The following GLIS1 variants were observed in gnomAD, a reference collection of about 807,000 sequenced individuals.
The protein encoded by GLIS1 is GLIS family zinc finger 1, also known as zinc finger protein GLIS1.
Under a neutral mutation model 63.8 loss-of-function variants are expected in GLIS1, and 24 were observed. That is an observed-to-expected ratio of 0.38 (90% CI 0.27 to 0.53). GLIS1 has a LOEUF of 0.53. Among genes scored for constraint, GLIS1 ranks in the 20% least tolerant of loss-of-function variants. The pLI is 0.85. For synonymous variants in GLIS1, 450 were observed against 482.5 expected (o/e 0.93, Z 0.88); for missense variants, 1,036 against 1,074.1 (o/e 0.96, Z 0.50).
intron 2 of GLIS1, among the ~76,000 whole-genome samples, chr1:53,715,965 T>G (rs1040490042): frequency 6.6e-6 from 1 of 152,106 alleles, no homozygotes; most frequent in South Asian, 2.1e-4. Flanking sequence ...TGAAGCACAG[T>G]TATATGCCAA....
intron 4 of GLIS1, among the ~76,000 whole-genome samples, chr1:53,538,753 GAC>G (rs1443492656): frequency 3.9e-5 from 6 of 152,294 alleles, no homozygotes; most frequent in Non-Finnish European, 4.4e-5. Flanking sequence ...GGGGGCTGCA[GAC>G]ACCCTGACCC....
intron 2 of GLIS1, among the ~76,000 whole-genome samples, chr1:53,612,503 G>A (rs1177600086): frequency 1.3e-5 from 2 of 152,018 alleles, no homozygotes; most frequent in African/African-American, 4.8e-5. Flanking sequence ...GCCTCCCAAA[G>A]TGCTGGGACT....
At chr1:53,559,129 T>TAA (rs1644860816) in intron 4 of GLIS1, among the ~76,000 whole-genome samples, 1 of 152,184 alleles carries the variant, frequency 6.6e-6, no homozygotes, top group African/African-American at 2.4e-5. Context: ...TGGGACTTCT[T>TAA]AAAAACAGTA....
At chr1:53,713,818 G>A (rs2100531125) in intron 2 of GLIS1, among the ~76,000 whole-genome samples, 1 of 152,320 alleles carries the variant, frequency 6.6e-6, no homozygotes, top group East Asian at 1.9e-4. Flanking sequence ...AAAGGAAAGA[G>A]ATAAAGGACA....
rs879357045 is a variant in GLIS1, at chr1:53,709,417, C to CATATACATATATAT, written c.259+28388_259+28389insATATATATGTATAT. 4.7e-3 allele frequency among the ~76,000 whole-genome samples: 581 copies of CATATACATATATAT among 122,716 alleles called. 17 individuals carry two copies. The highest frequency in any genetic ancestry group is 0.019 in the African/African-American group (519 of 27,200). The allele number at this position is 122,716 out of a possible 152,430, so 80.5% of individuals were successfully genotyped here. On this transcript the variant is annotated intron_variant, in intron 2 of 10. Coordinates refer to ENST00000628545, the MANE Select transcript of GLIS1 (RefSeq NM_001367484.1). ...ATACATATACATATATATATACACA[C>CATATACATATATAT]ACACACACACACACACACACACACA... is the stretch of plus-strand genomic sequence containing the variant.
At chr1:53,520,351 C>A (rs190437348) in intron 7 of GLIS1, among the ~76,000 whole-genome samples, 1 of 152,156 alleles carries the variant, frequency 6.6e-6, no homozygotes, top group African/African-American at 2.4e-5. Flanking sequence ...AGGCCCCATA[C>A]ACCTTGAAGG....
At position 53,524,905 on chromosome 1, in the gene GLIS1, C is replaced by T. The variant is rs529135614; in HGVS notation, c.1483-18G>A. 59 of 1,550,786 alleles carry T rather than the reference C, an allele frequency of 3.8e-5. 1 individual carries two copies. In the South Asian group the frequency reaches 4.6e-4, roughly 12 times the overall value. On this transcript the variant is annotated intron_variant, in intron 5 of 10. Coordinates refer to ENST00000628545, the MANE Select transcript of GLIS1 (RefSeq NM_001367484.1). ...TACGGCTTCTGTAACATGGGGGGCA[C>T]GGGTGGGGTGAGTGAGGCCCATCCC...
At chr1:53,694,277 G>A (rs1389476977) in intron 2 of GLIS1, among the ~76,000 whole-genome samples, 1 of 152,196 alleles carries the variant, frequency 6.6e-6, no homozygotes, top group Non-Finnish European at 1.5e-5. Flanking sequence ...GTGACAAGGA[G>A]AGAAGACATC....
At chr1:53,521,879 G>A (rs1644413035) in intron 6 of GLIS1, among the ~76,000 whole-genome samples, 2 of 152,234 alleles carry the variant, frequency 1.3e-5, no homozygotes, top group South Asian at 4.1e-4. Context: ...TTCTCTCAGG[G>A]AAATCCCAAA....
At chr1:53,690,849 C>T (rs140651923) in intron 2 of GLIS1, among the ~76,000 whole-genome samples, 9 of 152,340 alleles carry the variant, frequency 5.9e-5, no homozygotes, top group Non-Finnish European at 1.0e-4. Context: ...CCAGGTGCCA[C>T]TCCAACCGCT....
At chr1:53,629,147 A>G (rs1477491922) in intron 2 of GLIS1, among the ~76,000 whole-genome samples, 1 of 152,024 alleles carries the variant, frequency 6.6e-6, no homozygotes, top group Non-Finnish European at 1.5e-5. Context: ...CTCTCCAGCT[A>G]TCTACCCTTA....
chr1:53,594,072 G>A, intron 4 of GLIS1, 36 bp downstream of exon 4: 1 of 1,575,976 alleles, frequency 6.3e-7, no homozygotes, highest in South Asian at 1.2e-5. Context: ...CTGCCAGAGG[G>A]GCTGGGGTGA....
intron 4 of GLIS1, among the ~76,000 whole-genome samples, chr1:53,566,054 G>A (rs956753834): frequency 1.3e-5 from 2 of 152,278 alleles, no homozygotes; most frequent in Non-Finnish European, 2.9e-5. Flanking sequence ...TATACAAATT[G>A]AAGTAGTTAA....
chr1:53,579,212 T>A (rs1323425959), intron 4 of GLIS1, among the ~76,000 whole-genome samples: 1 of 152,178 alleles, frequency 6.6e-6, no homozygotes, highest in Non-Finnish European at 1.5e-5. Flanking sequence ...AGGACGTCAA[T>A]GAGAAAGCCC....
intron 2 of GLIS1, among the ~76,000 whole-genome samples, chr1:53,676,409 C>T (rs1487969546): frequency 6.6e-6 from 1 of 152,200 alleles, no homozygotes; most frequent in Admixed American, 6.5e-5. Context: ...GCCTCCCCCA[C>T]ACCCTGGCAC....
chr1:53,600,244 T>C lies in GLIS1; in HGVS notation c.294A>G (p.Ser98=). The C allele has an allele frequency of 1.7e-5, 21 of 1,232,126 alleles. No individual in the cohort carries two copies. Among genetic ancestry groups the C allele is most frequent in the Non-Finnish European group, 2.1e-5 (21 of 987,952 alleles). 76.3% of individuals were successfully genotyped at this position (1,232,126 alleles called of 1,614,324 possible). A position where few individuals can be genotyped will look rare whatever the true frequency, so the allele number is the denominator to read the frequency against. Residue 98 remains serine (S), a synonymous_variant, in exon 3 of 11, where the codon TCA becomes TCG. Transcript: ENST00000628545. The part of the protein sequence containing the change: ...NGSYGHRTPG[S]EKSLLDLDLA... ...GGTCCAGGTCCAGCAGGCTCTTCTC[T>C]GAGCCCGGGGTACGGTGTCCGTAGC...
At chr1:53,569,475 A>ATT (rs34118422) in intron 4 of GLIS1, among the ~76,000 whole-genome samples, 2 of 117,234 alleles carry the variant, frequency 1.7e-5, no homozygotes. Flanking sequence ...AAGAAAGTCT[A>ATT]TTTTTTTTTT....
intron 2 of GLIS1, among the ~76,000 whole-genome samples, chr1:53,715,557 C>T (rs1392883708): frequency 6.6e-6 from 1 of 152,142 alleles, no homozygotes; most frequent in Non-Finnish European, 1.5e-5. Context: ...GGGTACAGAA[C>T]ACAGAGAGGC....
At chr1:53,610,558 T>C (rs1645415207) in intron 2 of GLIS1, among the ~76,000 whole-genome samples, 1 of 152,250 alleles carries the variant, frequency 6.6e-6, no homozygotes, top group African/African-American at 2.4e-5. Flanking sequence ...TTTGAAGTTA[T>C]TGCATCTTCC....
Sources: allele counts gnomAD v4.1 joint callset (sites outside exome capture counted in the v4.1 genomes callset), GRCh38; gene constraint gnomAD v4.1.1; transcripts MANE v1.5; gene names NCBI Gene and HGNC (gene_info 2026-07-23, HGNC 2026-07-21).